DNAH14: variants seen among roughly 807,000 people sequenced by gnomAD.
DNAH14 encodes dynein axonemal heavy chain 14, also known as axonemal beta dynein heavy chain 14.
A neutral mutation model predicts 520.9 loss-of-function variants in DNAH14; 478 were observed. The ratio of observed to expected loss-of-function variants is 0.92; its 90% CI spans 0.85 to 0.99. DNAH14 has a LOEUF of 0.99. DNAH14 is among the 50% of genes least tolerant of loss of function. The pLI is 0.00. For synonymous variants in DNAH14, 1,581 were observed against 1,757.2 expected (o/e 0.90, Z 2.51); for missense variants, 4,831 against 5,234.5 (o/e 0.92, Z 2.38).
chr1:225,378,726 C>CA (rs1179107472), intron 79 of DNAH14, among the ~76,000 whole-genome samples: 1 of 151,802 alleles, frequency 6.6e-6, no homozygotes, highest in Non-Finnish European at 1.5e-5. Context: ...ACTAAAAATA[C>CA]AAAAAATTAG....
intron 8 of DNAH14, among the ~76,000 whole-genome samples, chr1:224,975,712 G>A (rs978971576): frequency 4.6e-5 from 7 of 151,146 alleles, no homozygotes; most frequent in African/African-American, 1.7e-4. Flanking sequence ...AGGGTTTCTT[G>A]TGTCTCTATG....
At chr1:224,955,421 T>C (rs1312317828) in intron 3 of DNAH14, among the ~76,000 whole-genome samples, 1 of 152,170 alleles carries the variant, frequency 6.6e-6, no homozygotes, top group Non-Finnish European at 1.5e-5. Flanking sequence ...TACAGGTGGG[T>C]CACGGTTCTC....
chr1:225,318,126 A>G (rs920703602), intron 60 of DNAH14, among the ~76,000 whole-genome samples: 9 of 152,218 alleles, frequency 5.9e-5, no homozygotes, highest in African/African-American at 1.9e-4. Context: ...TTCCTAATTG[A>G]TTGCAGTTCA....
intron 79 of DNAH14, among the ~76,000 whole-genome samples, chr1:225,378,063 G>T (rs1172800250): frequency 6.6e-6 from 1 of 151,200 alleles, no homozygotes; most frequent in East Asian, 1.9e-4. Context: ...TTTTAATTGG[G>T]GTCACAAGAC....
At chr1:225,315,002 A>C (rs1177493490) in intron 60 of DNAH14, among the ~76,000 whole-genome samples, 1 of 152,098 alleles carries the variant, frequency 6.6e-6, no homozygotes, top group Non-Finnish European at 1.5e-5. Context: ...AGGTTGGGTA[A>C]GTTCTCCTGG....
At chr1:225,204,309 T>C (rs1316389344) in intron 39 of DNAH14, 36 bp downstream of exon 39, 2 of 1,236,570 alleles carry the variant, frequency 1.6e-6, no homozygotes, top group Non-Finnish European at 2.2e-6. Flanking sequence ...ATTATTAATA[T>C]AGAAGACAAA....
intron 34 of DNAH14, among the ~76,000 whole-genome samples, chr1:225,155,583 G>T (rs949642510): frequency 2.0e-5 from 3 of 152,134 alleles, no homozygotes; most frequent in African/African-American, 7.2e-5. Flanking sequence ...TTATAGTCCT[G>T]TAGTCACCTA....
intron 8 of DNAH14, among the ~76,000 whole-genome samples, chr1:224,998,494 A>G (rs1482538704): frequency 2.6e-5 from 4 of 151,950 alleles, no homozygotes; most frequent in Non-Finnish European, 4.4e-5. Context: ...TGAATTTTTA[A>G]TTTTCCTCGA....
chr1:225,257,113 AATT>A (rs1381035589), intron 44 of DNAH14, among the ~76,000 whole-genome samples: 1 of 152,176 alleles, frequency 6.6e-6, no homozygotes, highest in Non-Finnish European at 1.5e-5. Flanking sequence ...CTTTTCCAGA[AATT>A]ATTATGTATT....
chr1:225,128,775 C>G (rs924778847), intron 27 of DNAH14, among the ~76,000 whole-genome samples: 64 of 152,190 alleles, frequency 4.2e-4, no homozygotes, highest in African/African-American at 1.3e-3. Context: ...GATGCCCTCT[C>G]TCACCACTCC....
chr1:224,972,297 GATTT>G (rs1032879805), intron 7 of DNAH14, among the ~76,000 whole-genome samples: 5 of 151,762 alleles, frequency 3.3e-5, no homozygotes, highest in African/African-American at 4.8e-5. Context: ...TAAATTTTAT[GATTT>G]ATTTATTTAT....
At chr1:224,999,704 C>T (rs2147772166) in intron 8 of DNAH14, among the ~76,000 whole-genome samples, 1 of 151,758 alleles carries the variant, frequency 6.6e-6, no homozygotes, top group South Asian at 2.1e-4. Context: ...TTTGATTTAT[C>T]TATAGTATTT....
intron 17 of DNAH14, among the ~76,000 whole-genome samples, chr1:225,058,877 G>T (rs574497262): frequency 3.1e-4 from 47 of 152,200 alleles, no homozygotes; most frequent in South Asian, 2.7e-3. Context: ...CTAGTTTGAT[G>T]GCACTGTGGT....
At chr1:225,081,038 G>T (rs1405639599) in intron 19 of DNAH14, among the ~76,000 whole-genome samples, 1 of 152,152 alleles carries the variant, frequency 6.6e-6, no homozygotes, top group Non-Finnish European at 1.5e-5. Context: ...TTAGGGCACT[G>T]GTCAGAGATG....
intron 41 of DNAH14, among the ~76,000 whole-genome samples, chr1:225,213,942 A>T (rs1053063189): frequency 3.9e-5 from 6 of 152,126 alleles, no homozygotes; most frequent in African/African-American, 1.4e-4. Context: ...TTCCAACACT[A>T]TGTTGAATAG....
intron 12 of DNAH14, among the ~76,000 whole-genome samples, chr1:225,040,042 A>G (rs2067329853): frequency 6.9e-6 from 1 of 145,016 alleles, no homozygotes; most frequent in African/African-American, 2.6e-5. Context: ...GGTTCACGCC[A>G]TTCTCCTGCC....
In DNAH14 at chr1:225,379,157, C is replaced by T. The variant is rs1033582160; in HGVS notation, c.12717-1002C>T. Among the ~76,000 whole-genome samples, 10 of 152,330 alleles carry T rather than the reference C, an allele frequency of 6.6e-5. No individual in the cohort carries two copies. The Middle Eastern group carries it at 0.017, about 259-fold the overall frequency. ...CGGAGTGTGTGATTAAGAAGCCCTT[C>T]GTGTCAACACAGGAATGAGGCAAGC... On this transcript the variant is annotated intron_variant, in intron 79 of 85. Transcript: ENST00000682510.
chr1:225,154,424 C>T (rs190156260), intron 34 of DNAH14, among the ~76,000 whole-genome samples: 26 of 151,922 alleles, frequency 1.7e-4, no homozygotes, highest in African/African-American at 6.0e-4. Context: ...TATTAAAAAG[C>T]AAGAGTAATG....
intron 9 of DNAH14, among the ~76,000 whole-genome samples, chr1:225,006,472 A>G (rs1358395247): frequency 1.3e-5 from 2 of 152,148 alleles, no homozygotes; most frequent in African/African-American, 4.8e-5. Flanking sequence ...GCAAGGAATA[A>G]CCCTGGGAAG....
Sources: allele counts gnomAD v4.1 joint callset (sites outside exome capture counted in the v4.1 genomes callset), GRCh38; gene constraint gnomAD v4.1.1; transcripts MANE v1.5; gene names NCBI Gene and HGNC (gene_info 2026-07-23, HGNC 2026-07-21).